The following MAD1L1 variants were observed in gnomAD, a reference collection of about 807,000 sequenced individuals.
The protein encoded by MAD1L1 is mitotic spindle assembly checkpoint protein MAD1.
In MAD1L1, 95 loss-of-function variants were observed where a neutral mutation model predicts 96.9. That is an observed-to-expected ratio of 0.98 (90% CI 0.83 to 1.16). The LOEUF (loss-of-function observed/expected upper bound fraction) is 1.16. Ranked by LOEUF, MAD1L1 falls within the 50% of genes most tolerant of loss-of-function variation. The pLI is 0.00. For synonymous variants in MAD1L1, 473 were observed against 396.6 expected, an observed-to-expected ratio of 1.19 and a Z score of -2.29; for missense variants, 1,007 against 954.4, an observed-to-expected ratio of 1.06 and a Z score of -0.73.
At chr7:1,977,395 G>T (rs1156858802) in intron 15 of MAD1L1, among the ~76,000 whole-genome samples, 1 of 152,248 alleles carries the variant, frequency 6.6e-6, no homozygotes, top group African/African-American at 2.4e-5. Flanking sequence ...GGCAACGCTG[G>T]CCAGCTGCTC....
intron 18 of MAD1L1, among the ~76,000 whole-genome samples, chr7:1,886,875 T>G (rs888413765): frequency 1.3e-5 from 2 of 152,244 alleles, no homozygotes; most frequent in Non-Finnish European, 2.9e-5. Flanking sequence ...AGCAGCTCCC[T>G]GGGGACAGTT....
intron 12 of MAD1L1, among the ~76,000 whole-genome samples, chr7:2,061,967 G>A (rs1307647837): frequency 6.6e-6 from 1 of 151,974 alleles, no homozygotes; most frequent in Non-Finnish European, 1.5e-5. Context: ...TGGGCCAGGC[G>A]CAGTGGCTCA....
At chr7:2,123,514 C>T (rs767047696) in intron 11 of MAD1L1, among the ~76,000 whole-genome samples, 10 of 152,076 alleles carry the variant, frequency 6.6e-5, no homozygotes, top group Admixed American at 4.6e-4. Context: ...GAGCTGGTGA[C>T]GGTAGGGTTT....
chr7:1,874,362 C>G (rs1785265920), intron 18 of MAD1L1: 2 of 365,962 alleles, frequency 5.5e-6, no homozygotes, highest in South Asian at 4.2e-5. Context: ...AGGGAAGCGT[C>G]TCAGGAGGAG....
intron 10 of MAD1L1, among the ~76,000 whole-genome samples, chr7:2,197,289 A>G (rs1053526062): frequency 1.3e-5 from 2 of 152,170 alleles, no homozygotes; most frequent in Non-Finnish European, 2.9e-5. Context: ...CGCTTGACCT[A>G]GCAGACATAT....
rs138207305 is a variant in MAD1L1, at chr7:2,138,999, A to G, written c.1073+10153T>C. Among the ~76,000 whole-genome samples the G allele has an allele frequency of 6.1e-3, 922 of 152,304 alleles. 3 individuals carry two copies. Among genetic ancestry groups the G allele is most frequent in the Middle Eastern group, 0.01 (3 of 294 alleles). On this transcript the variant is annotated intron_variant, in intron 11 of 18. Transcript: ENST00000265854. ...AGAACACCTCTCAGCTGGAGTCAAC[A>G]TGCATCGGAGAGGCCCAAGGTCCCA...
chr7:1,909,096 C>T (rs1467248907), intron 17 of MAD1L1, among the ~76,000 whole-genome samples: 4 of 152,326 alleles, frequency 2.6e-5, no homozygotes, highest in South Asian at 2.1e-4. Context: ...CTCGGAGCAG[C>T]GGGACCAGCC....
intron 18 of MAD1L1, among the ~76,000 whole-genome samples, chr7:1,881,253 C>T (rs748475142): frequency 6.6e-5 from 10 of 152,124 alleles, no homozygotes; most frequent in Admixed American, 6.5e-4. Flanking sequence ...TTTGAATTAA[C>T]CCATTTATGC....
At chr7:1,883,702 C>T (rs1001409626) in intron 18 of MAD1L1, among the ~76,000 whole-genome samples, 24 of 152,218 alleles carry the variant, frequency 1.6e-4, no homozygotes, top group African/African-American at 2.4e-4. Context: ...CCTGATTTCA[C>T]GGAGGCCGAG....
chr7:1,888,800 T>C (rs1786352236), intron 18 of MAD1L1, among the ~76,000 whole-genome samples: 1 of 152,192 alleles, frequency 6.6e-6, no homozygotes, highest in African/African-American at 2.4e-5. Context: ...CATGCATGCA[T>C]GTGGGTGGCT....
intron 18 of MAD1L1, among the ~76,000 whole-genome samples, chr7:1,892,185 C>G (rs1001537742): frequency 2.6e-5 from 4 of 152,222 alleles, no homozygotes; most frequent in Non-Finnish European, 5.9e-5. Context: ...GCATTCAGCA[C>G]AGTCACGCAC....
chr7:2,044,213 T>C (rs1394004397), intron 12 of MAD1L1, among the ~76,000 whole-genome samples: 1 of 152,160 alleles, frequency 6.6e-6, no homozygotes, highest in Non-Finnish European at 1.5e-5. Context: ...TCTTGCTCAT[T>C]CCTCCCAACT....
chr7:1,888,759 ATGTG>A (rs150222994), intron 18 of MAD1L1, among the ~76,000 whole-genome samples: 10,840 of 150,878 alleles, frequency 0.072, 855 homozygotes, highest in African/African-American at 0.2. Context: ...GTGAGCATGC[ATGTG>A]TGTGTGTGGT....
Position 2,119,545 on chromosome 7 carries a change from T to C in MAD1L1, c.1073+29607A>G, listed in dbSNP as rs1787876130. 6.6e-6 allele frequency among the ~76,000 whole-genome samples: 1 copy of C among 152,154 alleles called. No individual in the cohort carries two copies. The highest frequency in any genetic ancestry group is 1.5e-5 in the Non-Finnish European group (1 of 68,016). On this transcript the variant is annotated intron_variant, in intron 11 of 18. Transcript: ENST00000265854. This position sits in a 1 kb window ranked among gnomAD's most constrained non-coding sequence, Gnocchi z 4.6. ...CCAGGCAGCTCTCAGGTCCCGACTG[T>C]GGGGACAGCACGTGCCCGAGCTCTG...
chr7:1,839,949 A>G (rs992528804), intron 18 of MAD1L1, among the ~76,000 whole-genome samples: 8 of 152,162 alleles, frequency 5.3e-5, no homozygotes, highest in East Asian at 1.9e-4. Context: ...CGGCCCCCCA[A>G]TCCCTGCTGG....
intron 11 of MAD1L1, among the ~76,000 whole-genome samples, chr7:2,090,338 A>C (rs537421894): frequency 6.6e-6 from 1 of 152,334 alleles, no homozygotes; most frequent in Admixed American, 6.5e-5. Flanking sequence ...AAGCGTCCTG[A>C]ACACTTCAAA....
chr7:2,118,751 G>A (rs1787837951), intron 11 of MAD1L1, among the ~76,000 whole-genome samples: 2 of 152,100 alleles, frequency 1.3e-5, no homozygotes, highest in Non-Finnish European at 2.9e-5. Flanking sequence ...TCTTCCTTCC[G>A]GATAAGGGGC....
chr7:2,027,550 G>A lies in MAD1L1; in HGVS notation c.1219-12908C>T, dbSNP rs574748782. Among the ~76,000 whole-genome samples, 61 of 152,242 alleles carry A rather than the reference G, an allele frequency of 4.0e-4. No individual in the cohort carries two copies. The South Asian group carries it at 6.0e-3, about 15-fold the overall frequency. On this transcript the variant is annotated intron_variant, in intron 12 of 18. Coordinates refer to ENST00000265854, the MANE Select transcript of MAD1L1 (RefSeq NM_001013836.2). ...GGAATGTAAGTTTGGTTTAACATTT[G>A]AAAATCAATTAATTTAATGCGCATT...
chr7:1,873,704 G>A (rs1384305627), intron 18 of MAD1L1, among the ~76,000 whole-genome samples: 1 of 152,086 alleles, frequency 6.6e-6, no homozygotes, highest in East Asian at 1.9e-4. Context: ...GGGCACCCCG[G>A]GTGCAGGATG....
Sources: gnomAD v4.1 joint callset for allele counts (sites outside exome capture counted in the v4.1 genomes callset) on GRCh38, gnomAD v4.1.1 for gene constraint, Gnocchi (gnomAD v3.1) non-coding constraint, MANE v1.5 for transcripts, NCBI Gene and HGNC (gene_info 2026-07-23, HGNC 2026-07-21) for gene names.